Variants in ADAMTSL3 observed in about 807,000 individuals in gnomAD.
ADAMTSL3 encodes ADAMTS like 3, also known as ADAMTS-like protein 3.
ADAMTSL3 carries 128 observed loss-of-function variants against 201.7 expected under a neutral mutation model. That is an observed-to-expected ratio of 0.63 (90% CI 0.55 to 0.73). ADAMTSL3 has a LOEUF of 0.73. Among genes scored for constraint, ADAMTSL3 ranks in the 30% least tolerant of loss-of-function variants. The probability of loss-of-function intolerance (pLI) is 0.00; values close to 1 mark genes in which losing one functional copy is unlikely to be tolerated. For missense variants in ADAMTSL3, 1,990 were observed against 2,119.6 expected, an observed-to-expected ratio of 0.94 and a Z score of 1.20; for synonymous variants, 738 against 748.4, an observed-to-expected ratio of 0.99 and a Z score of 0.23.
intron 3 of ADAMTSL3, chr15:83,717,310 C>T (rs1381253436): frequency 6.6e-6 from 1 of 152,170 alleles, no homozygotes; most frequent in East Asian, 1.9e-4. Context: ...AGAAGAGGAG[C>T]TTTTTCTTTT....
At position 83,860,126 on chromosome 15, in the gene ADAMTSL3, C is replaced by T. The variant is rs1034615384; in HGVS notation, c.802+1286C>T. The stretch of plus-strand genomic sequence containing the variant: ...GGCATGTAGTCCATGCTACTCCTTG[C>T]GCCTAGGAGTTCAAGGTTGCAGTGA... On this transcript the variant is annotated intron_variant, in intron 8 of 29. Coordinates refer to ENST00000286744, the MANE Select transcript of ADAMTSL3 (RefSeq NM_207517.3). 5.9e-5 allele frequency among the ~76,000 whole-genome samples: 9 copies of T among 152,132 alleles called. No individual in the cohort carries two copies. The East Asian group carries it at 7.7e-4, about 13-fold the overall frequency.
At chr15:83,799,195 A>G (rs528439753) in intron 4 of ADAMTSL3, among the ~76,000 whole-genome samples, 2 of 152,372 alleles carry the variant, frequency 1.3e-5, no homozygotes, top group East Asian at 3.9e-4. Flanking sequence ...GTGATTACAT[A>G]TAAAACCAAA....
intron 29 of ADAMTSL3, 41 bp downstream of exon 29, chr15:84,037,028 T>C: frequency 6.3e-7 from 1 of 1,590,514 alleles, no homozygotes. Context: ...CCCAGAGGCC[T>C]TGATGGCATC....
Position 83,664,578 on chromosome 15 carries a change from T to C in ADAMTSL3, c.69+8748T>C, listed in dbSNP as rs375480189. On this transcript the variant is annotated intron_variant, in intron 2 of 29. Transcript: ENST00000286744. ...CCCATTCAGCCACTAACTCCCATTT[T>C]TCCCATCTCAGAAATGTCTTTTAAA... Among the ~76,000 whole-genome samples the C allele has an allele frequency of 4.7e-4, 71 of 152,370 alleles. 1 individual carries two copies. In the East Asian group the frequency reaches 6.9e-3, roughly 15 times the overall value.
intron 4 of ADAMTSL3, among the ~76,000 whole-genome samples, chr15:83,792,292 C>T (rs2063356749): frequency 6.6e-6 from 1 of 152,040 alleles, no homozygotes; most frequent in African/African-American, 2.4e-5. Context: ...TGAACAAATG[C>T]TCAACATCAG....
intron 23 of ADAMTSL3, among the ~76,000 whole-genome samples, chr15:83,994,065 C>T (rs72748651): frequency 0.027 from 4,111 of 152,280 alleles, 81 homozygotes; most frequent in Non-Finnish European, 0.043. Flanking sequence ...TCTTGGCCCA[C>T]AGATGGTAAT....
intron 2 of ADAMTSL3, among the ~76,000 whole-genome samples, chr15:83,656,481 A>G (rs2061085775): frequency 1.3e-5 from 2 of 152,224 alleles, no homozygotes; most frequent in African/African-American, 4.8e-5. Flanking sequence ...GATCGTTGCT[A>G]AGTGGAGACA....
Position 83,982,620 on chromosome 15 carries a change from A to T in ADAMTSL3, c.2992A>T (p.Thr998Ser), listed in dbSNP as rs2067405537. The T allele has an allele frequency of 6.2e-7, 1 of 1,614,200 alleles. No homozygotes were observed. Among genetic ancestry groups the T allele is most frequent in the Non-Finnish European group, 8.5e-7 (1 of 1,180,038 alleles). The change falls in exon 21 of 30, where the codon ACT becomes TCT. Residue 998 changes from threonine to serine, a missense_variant. Coordinates refer to ENST00000286744, the MANE Select transcript of ADAMTSL3 (RefSeq NM_207517.3). ...QETVVLKLIG[T>S]DNRLIARPAL... ...AACAGTTGTGCTCAAGCTCATTGGT[A>T]CTGACAACCGGCTCATCGCACGCCC...
At chr15:83,978,490 C>T (rs2067327511) in intron 20 of ADAMTSL3, among the ~76,000 whole-genome samples, 1 of 152,166 alleles carries the variant, frequency 6.6e-6, no homozygotes, top group Non-Finnish European at 1.5e-5. Context: ...TGCATGATGC[C>T]CCTGCCTAAT....
intron 3 of ADAMTSL3, among the ~76,000 whole-genome samples, chr15:83,749,163 G>A (rs1040552776): frequency 2.0e-5 from 3 of 152,208 alleles, no homozygotes; most frequent in Admixed American, 2.0e-4. Flanking sequence ...GTCACTGAAT[G>A]TGTCCACAGG....
chr15:83,741,201 TTAA>T, intron 3 of ADAMTSL3, among the ~76,000 whole-genome samples: 1 of 150,750 alleles, frequency 6.6e-6, no homozygotes, highest in South Asian at 2.1e-4. Context: ...TAGCAATTAG[TTAA>T]TATTATATTA....
chr15:83,861,030 G>T (rs1407743694), intron 8 of ADAMTSL3, among the ~76,000 whole-genome samples: 1 of 152,210 alleles, frequency 6.6e-6, no homozygotes, highest in Non-Finnish European at 1.5e-5. Flanking sequence ...TCCCACGTCT[G>T]GCTCAGAGGG....
intron 3 of ADAMTSL3, among the ~76,000 whole-genome samples, chr15:83,749,807 G>T (rs200391458): frequency 2.6e-5 from 4 of 152,186 alleles, no homozygotes; most frequent in Non-Finnish European, 2.9e-5. Context: ...AGAGTCCTGG[G>T]TTGCAAGGTG....
intron 2 of ADAMTSL3, among the ~76,000 whole-genome samples, chr15:83,658,184 A>C (rs1362845266): frequency 2.6e-5 from 4 of 152,158 alleles, no homozygotes; most frequent in Non-Finnish European, 1.5e-5. Context: ...ATCTCAGCTC[A>C]CTGCAACCTC....
intron 6 of ADAMTSL3, among the ~76,000 whole-genome samples, chr15:83,836,912 G>T (rs1391972493): frequency 6.6e-6 from 1 of 152,132 alleles, no homozygotes; most frequent in Non-Finnish European, 1.5e-5. Flanking sequence ...TATAAATAAA[G>T]TTAGATGAAT....
intron 2 of ADAMTSL3, among the ~76,000 whole-genome samples, chr15:83,703,672 G>A (rs897034074): frequency 1.2e-4 from 19 of 152,132 alleles, no homozygotes; most frequent in African/African-American, 4.3e-4. Context: ...CAGCCACGTG[G>A]AACTCTAAGT....
intron 6 of ADAMTSL3, among the ~76,000 whole-genome samples, chr15:83,827,123 A>G (rs2064041265): frequency 6.6e-6 from 1 of 152,208 alleles, no homozygotes; most frequent in African/African-American, 2.4e-5. Flanking sequence ...TTACAGTTCC[A>G]CCAACAGTGT....
rs369532327 is a variant in ADAMTSL3, at chr15:83,778,223, T to G, written c.317+4573T>G. 1.2e-4 allele frequency among the ~76,000 whole-genome samples: 18 copies of G among 152,276 alleles called. No homozygotes were observed. The East Asian group carries it at 2.7e-3, about 23-fold the overall frequency. On this transcript the variant is annotated intron_variant, in intron 4 of 29. Transcript: ENST00000286744. Reference sequence around the variant, plus strand: ...CAGGATATCATCCATGAGAACTTCATGGATGAACCCAACTAGCTAGACAGG... The same window carrying G: ...CAGGATATCATCCATGAGAACTTCAGGGATGAACCCAACTAGCTAGACAGG...
chr15:83,800,781 CA>C (rs1208433045), intron 4 of ADAMTSL3, among the ~76,000 whole-genome samples: 4 of 152,158 alleles, frequency 2.6e-5, no homozygotes, highest in Non-Finnish European at 4.4e-5. Flanking sequence ...CAGCATGGTA[CA>C]AAAAGCTTTT....
Sources: allele counts gnomAD v4.1 joint callset (sites outside exome capture counted in the v4.1 genomes callset), GRCh38; gene constraint gnomAD v4.1.1; transcripts MANE v1.5; gene names NCBI Gene and HGNC (gene_info 2026-07-23, HGNC 2026-07-21).